Variants in GSE1 observed in about 807,000 individuals in gnomAD.
GSE1 encodes the protein genetic suppressor element 1.
In GSE1, 32 loss-of-function variants were observed where a neutral mutation model predicts 112.6. The observed-to-expected ratio is 0.28, with a 90% CI of 0.21 to 0.38. The LOEUF is 0.38. Among genes scored for constraint, GSE1 ranks in the 10% least tolerant of loss-of-function variants. GSE1 has a pLI of 1.00. For missense variants in GSE1, 2,348 were observed against 1,699.2 expected, an observed-to-expected ratio of 1.38 and a Z score of -6.71; for synonymous variants, 1,115 against 735.6, an observed-to-expected ratio of 1.52 and a Z score of -8.35.
chr16:85,346,654 GTGGATGGATGA>G (rs1396152926), intron 1 of GSE1, among the ~76,000 whole-genome samples: 5 of 149,788 alleles, frequency 3.3e-5, no homozygotes, highest in South Asian at 2.2e-4. Flanking sequence ...TGGATAAGTG[GTGGATGGATGA>G]TGGATGGATG....
chr16:85,494,733 G>T (rs1435238952), intron 2 of GSE1, among the ~76,000 whole-genome samples: 1 of 152,194 alleles, frequency 6.6e-6, no homozygotes, highest in African/African-American at 2.4e-5. Context: ...GAGATTCTGG[G>T]TGGATATAAA....
intron 1 of GSE1, among the ~76,000 whole-genome samples, chr16:85,325,796 G>A (rs145346424): frequency 0.013 from 1,913 of 144,912 alleles, 38 homozygotes; most frequent in African/African-American, 0.048. Context: ...TCCCTCTGTC[G>A]CCCAGGCTGG....
intron 1 of GSE1, among the ~76,000 whole-genome samples, chr16:85,244,424 G>A (rs1456710990): frequency 6.6e-6 from 1 of 152,148 alleles, no homozygotes; most frequent in Non-Finnish European, 1.5e-5. Context: ...TTTTAGCCCA[G>A]GAGACCTTAT....
upstream of GSE1, among the ~76,000 whole-genome samples, chr16:85,612,241 GGGGGCGGGGCGGGGC>G (rs537679893): frequency 4.6e-5 from 7 of 151,454 alleles, no homozygotes; most frequent in South Asian, 2.1e-4. Flanking sequence ...GCGATGGGGT[GGGGGCGGGGCGGGGC>G]GGGGCGGGGT....
At chr16:85,402,592 G>A (rs112866393) in intron 2 of GSE1, among the ~76,000 whole-genome samples, 3,347 of 152,268 alleles carry the variant, frequency 0.022, 120 homozygotes, top group African/African-American at 0.076. Context: ...TCGGGAGCGC[G>A]GCGCTGGGCC....
intron 2 of GSE1, among the ~76,000 whole-genome samples, chr16:85,500,448 T>A (rs1465773786): frequency 1.3e-5 from 2 of 152,244 alleles, no homozygotes; most frequent in African/African-American, 4.8e-5. Context: ...CCCACTGACA[T>A]GTGCACAGCC....
intron 2 of GSE1, chr16:85,357,696 C>T (rs552693882): frequency 1.2e-4 from 147 of 1,190,520 alleles, no homozygotes; most frequent in Middle Eastern, 4.5e-4. Flanking sequence ...ATGCGGTTGT[C>T]CCAGCAGGGA....
At chr16:85,508,025 A>G (rs898380023) in intron 2 of GSE1, among the ~76,000 whole-genome samples, 28 of 151,946 alleles carry the variant, frequency 1.8e-4, no homozygotes, top group South Asian at 1.2e-3. Flanking sequence ...CCCGACTTCT[A>G]ACTCCGTCAC....
chr16:85,197,224 C>T (rs960998456), intron 1 of GSE1, among the ~76,000 whole-genome samples: 1 of 152,074 alleles, frequency 6.6e-6, no homozygotes, highest in Non-Finnish European at 1.5e-5. Context: ...ACTTGGGGAT[C>T]CACGTGGGAA....
chr16:85,511,599 A>G (rs949043377), intron 2 of GSE1, among the ~76,000 whole-genome samples: 4 of 151,862 alleles, frequency 2.6e-5, no homozygotes, highest in African/African-American at 9.7e-5. Flanking sequence ...GTGTATGTGA[A>G]CTTATTTGGA....
Position 85,457,226 on chromosome 16 carries a change from C to A in GSE1, c.2464+99583C>A, listed in dbSNP as rs567414458. ...GAGGAGAGTGGAAGGGCAGAGGCCCCGTCAGAGCTTATCTGGGCAAGGTCA... is the reference window on the plus strand; with the variant it reads ...GAGGAGAGTGGAAGGGCAGAGGCCCAGTCAGAGCTTATCTGGGCAAGGTCA... On this transcript the variant is annotated intron_variant, in intron 2 of 2. Coordinates refer to the GSE1 transcript ENST00000637419. 6.6e-5 allele frequency among the ~76,000 whole-genome samples: 10 copies of A among 152,298 alleles called. 1 individual carries two copies. The East Asian group carries it at 1.9e-3, about 29-fold the overall frequency.
At chr16:85,615,182 C>G (rs1001032496) in intron 1 of GSE1, among the ~76,000 whole-genome samples, 4 of 152,234 alleles carry the variant, frequency 2.6e-5, no homozygotes, top group Non-Finnish European at 4.4e-5. Flanking sequence ...ACCTGAGGCA[C>G]AGGCTGTGCC....
intron 1 of GSE1, among the ~76,000 whole-genome samples, chr16:85,215,978 G>C (rs1267146291): frequency 6.6e-6 from 1 of 152,214 alleles, no homozygotes; most frequent in Non-Finnish European, 1.5e-5. Context: ...TGGAGGGGTG[G>C]GCCAGAGACA....
rs781166806 is a variant in GSE1, at chr16:85,662,932, G to C, written c.2261-49G>C. ...TGAGGCCCTGCGGGCATGTCCACTG[G>C]ACAGATGAAGGCTCTTTGTCTGGCT... On this transcript the variant is annotated intron_variant, in intron 9 of 15. Transcript: ENST00000253458. The C allele has an allele frequency of 4.6e-6, 6 of 1,306,482 alleles. No individual in the cohort carries two copies. In the African/African-American group the frequency reaches 7.3e-5, roughly 16 times the overall value. 80.9% of individuals were successfully genotyped at this position (1,306,482 alleles called of 1,614,324 possible). A position where few individuals can be genotyped will look rare whatever the true frequency, so the allele number is the denominator to read the frequency against.
intron 1 of GSE1, among the ~76,000 whole-genome samples, chr16:85,248,521 C>CCTCT (rs60595401): frequency 6.7e-5 from 10 of 149,056 alleles, no homozygotes; most frequent in Admixed American, 1.3e-4. Context: ...TCCCTCTTTG[C>CCTCT]CTCTCTCTCT....
chr16:85,633,617 G>C (rs1016211603), intron 1 of GSE1, among the ~76,000 whole-genome samples: 3 of 152,290 alleles, frequency 2.0e-5, no homozygotes, highest in Admixed American at 6.5e-5. Context: ...GATCCTCCAC[G>C]ACCTGCCCAG....
chr16:85,269,732 C>A (rs1908639226), intron 1 of GSE1, among the ~76,000 whole-genome samples: 1 of 149,186 alleles, frequency 6.7e-6, no homozygotes, highest in African/African-American at 2.4e-5. Flanking sequence ...AGGAGCTGCA[C>A]CAGACGCCCT....
intron 8 of GSE1, among the ~76,000 whole-genome samples, chr16:85,657,917 T>G (rs980815852): frequency 1.2e-4 from 19 of 152,100 alleles, no homozygotes; most frequent in Non-Finnish European, 2.8e-4. Context: ...AGATGAAGAG[T>G]GCAAGGTAGA....
At chr16:85,605,357 A>G (rs1236010155) in intron 1 of GSE1, among the ~76,000 whole-genome samples, 1 of 152,052 alleles carries the variant, frequency 6.6e-6, no homozygotes, top group East Asian at 1.9e-4. Context: ...GAAGTGGTCT[A>G]AGTGACCGAC....
Sources: allele counts gnomAD v4.1 joint callset (sites outside exome capture counted in the v4.1 genomes callset), GRCh38; gene constraint gnomAD v4.1.1; transcripts MANE v1.5; gene names NCBI Gene and HGNC (gene_info 2026-07-23, HGNC 2026-07-21).